The following CEP128 variants were observed in gnomAD, a reference collection of about 807,000 sequenced individuals.
CEP128 encodes the protein centrosomal protein 128.
Under a neutral mutation model 156.7 loss-of-function variants are expected in CEP128, and 132 were observed. The ratio of observed to expected loss-of-function variants is 0.84; its 90% CI spans 0.73 to 0.97. CEP128 has a LOEUF of 0.97. Ranked by LOEUF, CEP128 falls within the 50% of genes least tolerant of loss-of-function variation. CEP128 has a pLI of 0.00. For synonymous variants in CEP128, 469 were observed against 448.9 expected, an observed-to-expected ratio of 1.04 and a Z score of -0.57; for missense variants, 1,252 against 1,281.9, an observed-to-expected ratio of 0.98 and a Z score of 0.36.
intron 19 of CEP128, among the ~76,000 whole-genome samples, chr14:80,718,563 A>G (rs2139447435): frequency 1.3e-5 from 2 of 152,362 alleles, no homozygotes; most frequent in African/African-American, 4.8e-5. Context: ...GGAACACAGA[A>G]TACACAGTAG....
intron 8 of CEP128, among the ~76,000 whole-genome samples, chr14:80,871,301 A>T (rs1014945261): frequency 6.6e-6 from 1 of 152,124 alleles, no homozygotes; most frequent in African/African-American, 2.4e-5. Context: ...GAGCAGAGGG[A>T]CCAACTTCAT....
intron 18 of CEP128, among the ~76,000 whole-genome samples, chr14:80,748,478 G>A (rs934884175): frequency 1.3e-5 from 2 of 152,168 alleles, no homozygotes; most frequent in Non-Finnish European, 2.9e-5. Flanking sequence ...TGTTTTCTAC[G>A]TAGAGTATGA....
At chr14:80,832,704 T>C (rs1213757102) in intron 12 of CEP128, among the ~76,000 whole-genome samples, 3 of 152,200 alleles carry the variant, frequency 2.0e-5, no homozygotes, top group Non-Finnish European at 2.9e-5. Flanking sequence ...GGGGTGTTTT[T>C]AGGGAAAGCA....
At chr14:80,607,735 C>G (rs1483989725) in intron 19 of CEP128, among the ~76,000 whole-genome samples, 1 of 152,126 alleles carries the variant, frequency 6.6e-6, no homozygotes, top group Non-Finnish European at 1.5e-5. Flanking sequence ...AGCTTCTTCT[C>G]AAATTTACCA....
intron 9 of CEP128, among the ~76,000 whole-genome samples, chr14:80,858,970 A>G (rs1887361890): frequency 6.6e-6 from 1 of 152,076 alleles, no homozygotes; most frequent in Admixed American, 6.5e-5. Context: ...TAGTTCAACC[A>G]TTGTGGAAGT....
intron 2 of CEP128, among the ~76,000 whole-genome samples, chr14:80,938,790 T>A (rs1034104664): frequency 1.3e-5 from 2 of 152,188 alleles, no homozygotes; most frequent in African/African-American, 2.4e-5. Context: ...TATATTTTTT[T>A]TAAAAAACTA....
At chr14:80,641,995 C>A (rs1413661666) in intron 19 of CEP128, among the ~76,000 whole-genome samples, 1 of 145,428 alleles carries the variant, frequency 6.9e-6, no homozygotes, top group African/African-American at 2.5e-5. Context: ...GAGGCTGAGG[C>A]AGAAGAATGA....
At chr14:80,918,272 C>T (rs1165313373) in intron 2 of CEP128, among the ~76,000 whole-genome samples, 1 of 152,228 alleles carries the variant, frequency 6.6e-6, no homozygotes, top group Non-Finnish European at 1.5e-5. Context: ...ACCTTTTAAA[C>T]TTCAGAAATC....
At chr14:80,853,781 T>G (rs1219011240) in intron 9 of CEP128, among the ~76,000 whole-genome samples, 1 of 151,984 alleles carries the variant, frequency 6.6e-6, no homozygotes, top group East Asian at 1.9e-4. Flanking sequence ...AAGAATTATA[T>G]TAGTATAGGG....
chr14:80,490,124 G>A (rs1887275349), downstream of CEP128, among the ~76,000 whole-genome samples: 1 of 151,808 alleles, frequency 6.6e-6, no homozygotes, highest in South Asian at 2.1e-4. Context: ...ATTTAAGGGG[G>A]GTACCACTGT....
At chr14:80,481,141 A>G (rs1887043780) in intron 14 of CEP128, among the ~76,000 whole-genome samples, 1 of 152,142 alleles carries the variant, frequency 6.6e-6, no homozygotes, top group South Asian at 2.1e-4. Flanking sequence ...GCCCATTTTC[A>G]TGCTGCTGCT....
At chr14:80,493,332 C>T (rs1431309878), downstream of CEP128, among the ~76,000 whole-genome samples, 3 of 152,192 alleles carry the variant, frequency 2.0e-5, no homozygotes, top group African/African-American at 7.2e-5. Context: ...ACTACAGTAG[C>T]ATTTCCCACC....
chr14:80,580,079 G>C (rs1891522194), intron 20 of CEP128, among the ~76,000 whole-genome samples: 1 of 152,144 alleles, frequency 6.6e-6, no homozygotes, highest in Non-Finnish European at 1.5e-5. Context: ...GTCCTGTTTT[G>C]AGGGAAATGA....
intron 23 of CEP128, among the ~76,000 whole-genome samples, chr14:80,506,712 A>G (rs1176088703): frequency 1.3e-5 from 2 of 152,174 alleles, no homozygotes; most frequent in Non-Finnish European, 2.9e-5. Flanking sequence ...TGTCACATAC[A>G]ATGTACGTAA....
intron 20 of CEP128, among the ~76,000 whole-genome samples, chr14:80,564,327 A>G (rs994611989): frequency 2.0e-5 from 3 of 152,204 alleles, no homozygotes; most frequent in Admixed American, 6.5e-5. Flanking sequence ...TGAATATTAC[A>G]CTTTCTAAGT....
At chr14:80,771,045 C>A (rs991992474) in intron 16 of CEP128, among the ~76,000 whole-genome samples, 1 of 152,162 alleles carries the variant, frequency 6.6e-6, no homozygotes, top group African/African-American at 2.4e-5. Flanking sequence ...CAATCCTAAA[C>A]AGATGGTTAA....
chr14:80,494,754 C>T (rs944515586), downstream of CEP128, among the ~76,000 whole-genome samples: 30 of 152,110 alleles, frequency 2.0e-4, no homozygotes, highest in Non-Finnish European at 3.5e-4. Flanking sequence ...TACATGTAAA[C>T]TTTAAATGCT....
intron 8 of CEP128, among the ~76,000 whole-genome samples, chr14:80,892,507 T>C (rs1407715212): frequency 6.6e-6 from 1 of 151,918 alleles, no homozygotes; most frequent in Non-Finnish European, 1.5e-5. Context: ...TTTTTGCGTA[T>C]CAAACCAAAA....
intron 19 of CEP128, among the ~76,000 whole-genome samples, chr14:80,621,076 T>C (rs535078880): frequency 1.3e-5 from 2 of 152,268 alleles, no homozygotes; most frequent in African/African-American, 4.8e-5. Flanking sequence ...ACACCAACAT[T>C]TTCATGCAAA....
Sources: allele counts gnomAD v4.1 joint callset (sites outside exome capture counted in the v4.1 genomes callset), GRCh38; gene constraint gnomAD v4.1.1; transcripts MANE v1.5; gene names NCBI Gene and HGNC (gene_info 2026-07-23, HGNC 2026-07-21).